SKAP1: variants seen among roughly 807,000 people sequenced by gnomAD.
SKAP1 encodes src kinase-associated phosphoprotein 1.
SKAP1 carries 44 observed loss-of-function variants against 58.5 expected under a neutral mutation model. The ratio of observed to expected loss-of-function variants is 0.75; its 90% CI spans 0.59 to 0.97. The LOEUF (loss-of-function observed/expected upper bound fraction) is 0.97. Ranked by LOEUF, SKAP1 falls within the 50% of genes least tolerant of loss-of-function variation. SKAP1 has a pLI of 0.00. For missense variants in SKAP1, 390 were observed against 435.2 expected (o/e 0.90, Z 0.92); for synonymous variants, 127 against 149.7 (o/e 0.85, Z 1.11).
At chr17:48,316,805 T>A (rs1181314131) in intron 4 of SKAP1, among the ~76,000 whole-genome samples, 2 of 152,068 alleles carry the variant, frequency 1.3e-5, no homozygotes, top group Non-Finnish European at 2.9e-5. Flanking sequence ...GAGCTATTGA[T>A]CAGACTGCTA....
chr17:48,158,067 C>T lies in SKAP1; in HGVS notation c.978+4402G>A, dbSNP rs560837718. The stretch of plus-strand genomic sequence containing the variant: ...GGGTGCAAGCCTGTAATCTCAGCTA[C>T]TTGGGAGGCTGAGGCAGGAGAATTG... On this transcript the variant is annotated intron_variant, in intron 11 of 12. Transcript: ENST00000336915. 3.3e-5 allele frequency among the ~76,000 whole-genome samples: 5 copies of T among 150,374 alleles called. No individual in the cohort carries two copies. The East Asian group carries it at 8.1e-4, about 24-fold the overall frequency.
intron 9 of SKAP1, among the ~76,000 whole-genome samples, chr17:48,179,046 T>C (rs2143442706): frequency 6.6e-6 from 1 of 152,294 alleles, no homozygotes; most frequent in East Asian, 1.9e-4. Context: ...TTAGGAAGCC[T>C]TGAAATGCAA....
intron 4 of SKAP1, among the ~76,000 whole-genome samples, chr17:48,287,481 A>G (rs1181728457): frequency 2.0e-5 from 3 of 152,170 alleles, no homozygotes; most frequent in African/African-American, 7.2e-5. Flanking sequence ...ATGATTCCTA[A>G]TAACACGGAA....
Position 48,268,131 on chromosome 17 carries a change from G to A in SKAP1, c.280+77774C>T, listed in dbSNP as rs149042385. On this transcript the variant is annotated intron_variant, in intron 4 of 12. Coordinates refer to ENST00000336915, the MANE Select transcript of SKAP1 (RefSeq NM_003726.4). ...AAAAAAAGAAAGAAAACTTGAAGAG[G>A]CCTCATGCAATATAATAAGCCAATT... Among the ~76,000 whole-genome samples the A allele has an allele frequency of 2.4e-3, 364 of 152,082 alleles. 4 individuals are homozygous for A. Among genetic ancestry groups the A allele is most frequent in the East Asian group, 0.023 (117 of 5,184 alleles).
intron 4 of SKAP1, among the ~76,000 whole-genome samples, chr17:48,317,148 T>C (rs193228623): frequency 1.3e-3 from 205 of 152,206 alleles, no homozygotes; most frequent in Admixed American, 3.3e-3. Flanking sequence ...CAGACGGATG[T>C]TCATGGGCAT....
chr17:48,373,200 A>T (rs770793401), intron 2 of SKAP1, among the ~76,000 whole-genome samples: 8 of 152,222 alleles, frequency 5.3e-5, no homozygotes, highest in Non-Finnish European at 1.0e-4. Flanking sequence ...GTGGAAGGTG[A>T]AAGGGAAGCA....
intron 1 of SKAP1, among the ~76,000 whole-genome samples, chr17:48,405,353 A>T (rs2067555733): frequency 6.6e-6 from 1 of 151,556 alleles, no homozygotes; most frequent in Non-Finnish European, 1.5e-5. Context: ...TTTGGCATAC[A>T]TCCTCAAAAC....
chr17:48,137,476 G>T (rs2063715414), intron 11 of SKAP1, 139 bp from the exon 12 acceptor site: 1 of 536,026 alleles, frequency 1.9e-6, no homozygotes, highest in Non-Finnish European at 3.3e-6. Context: ...TCCCTGATGG[G>T]ATTATTAAAT....
Position 48,251,198 on chromosome 17 carries a change from A to G in SKAP1, c.281-61698T>C, listed in dbSNP as rs537000144. On this transcript the variant is annotated intron_variant, in intron 4 of 12. Coordinates refer to ENST00000336915, the MANE Select transcript of SKAP1 (RefSeq NM_003726.4). ...GATCCTGACTGTCTTTACGAGAAAC[A>G]AAGTGAAAACGGAATCTTCACAGCT... is the stretch of plus-strand genomic sequence containing the variant. 2.0e-5 allele frequency among the ~76,000 whole-genome samples: 3 copies of G among 152,312 alleles called. No homozygotes were observed. In the East Asian group the frequency reaches 5.8e-4, roughly 29 times the overall value.
chr17:48,348,040 A>G (rs996267761), intron 3 of SKAP1, among the ~76,000 whole-genome samples: 1 of 152,164 alleles, frequency 6.6e-6, no homozygotes, highest in Non-Finnish European at 1.5e-5. Flanking sequence ...CAAATCCACC[A>G]TTAAAGAAAA....
intron 1 of SKAP1, among the ~76,000 whole-genome samples, chr17:48,415,154 G>T (rs756130911): frequency 6.6e-6 from 1 of 152,054 alleles, no homozygotes; most frequent in East Asian, 1.9e-4. Context: ...CAACTCCACC[G>T]ACCAAATACC....
In SKAP1 at chr17:48,317,705, G is replaced by A. The variant is rs535468231; in HGVS notation, c.280+28200C>T. Among the ~76,000 whole-genome samples, 5 of 152,292 alleles carry A rather than the reference G, an allele frequency of 3.3e-5. No homozygotes were observed. The South Asian group carries it at 6.2e-4, about 19-fold the overall frequency. On this transcript the variant is annotated intron_variant, in intron 4 of 12. Transcript: ENST00000336915. The stretch of plus-strand genomic sequence containing the variant: ...TGAAGTAACTTCAGGTCACTTCGAG[G>A]TCTGAAATAATTCAAATAAGAATCT...
In SKAP1 at chr17:48,195,895, T is replaced by C. The variant is rs146044994; in HGVS notation, c.281-6395A>G. 1.4e-3 allele frequency among the ~76,000 whole-genome samples: 206 copies of C among 152,174 alleles called. 2 individuals are homozygous for C. Among genetic ancestry groups the C allele is most frequent in the African/African-American group, 4.9e-3 (202 of 41,506 alleles). On this transcript the variant is annotated intron_variant, in intron 4 of 12. Transcript: ENST00000336915. ...CAGAAATCTGTGGAGAAAATCCTGT[T>C]ATACTGAAGACAAAAAAAACCTCTG...
chr17:48,338,075 TC>T (rs2066598591), intron 4 of SKAP1, among the ~76,000 whole-genome samples: 3 of 151,842 alleles, frequency 2.0e-5, no homozygotes, highest in African/African-American at 4.8e-5. Context: ...CTTCTTTCTT[TC>T]TTTTCTTCCT....
intron 2 of SKAP1, among the ~76,000 whole-genome samples, chr17:48,367,826 G>A (rs2067029508): frequency 6.6e-6 from 1 of 150,604 alleles, no homozygotes; most frequent in Admixed American, 6.6e-5. Context: ...GAGGTGGGAG[G>A]ATCGCTTGAA....
chr17:48,141,486 C>T (rs772904534), intron 11 of SKAP1, among the ~76,000 whole-genome samples: 21 of 151,994 alleles, frequency 1.4e-4, no homozygotes, highest in Non-Finnish European at 2.9e-4. Context: ...TCAAATGATT[C>T]TCCTGGGTTC....
chr17:48,441,896 C>G, the SKAP1 span, among the ~76,000 whole-genome samples: 12 of 152,118 alleles, frequency 7.9e-5, no homozygotes, highest in Admixed American at 1.3e-4. Context: ...GTCTAACATG[C>G]CAGAACTCCA....
chr17:48,414,919 G>C (rs1450986051), intron 1 of SKAP1, among the ~76,000 whole-genome samples: 1 of 152,186 alleles, frequency 6.6e-6, no homozygotes, highest in Non-Finnish European at 1.5e-5. Context: ...TGTTTATTTA[G>C]AGGAGAATGA....
At chr17:48,360,931 G>C (rs955633927) in intron 3 of SKAP1, among the ~76,000 whole-genome samples, 1 of 151,936 alleles carries the variant, frequency 6.6e-6, no homozygotes, top group African/African-American at 2.4e-5. Context: ...ACCTTGCAAT[G>C]AGACAGTGAA....
Sources: allele counts gnomAD v4.1 joint callset (sites outside exome capture counted in the v4.1 genomes callset), GRCh38; gene constraint gnomAD v4.1.1; transcripts MANE v1.5; gene names NCBI Gene and HGNC (gene_info 2026-07-23, HGNC 2026-07-21).